The following LHX9 variants were observed in gnomAD, a reference collection of about 807,000 sequenced individuals.
LHX9 encodes LIM homeobox 9, also known as LIM/homeobox protein Lhx9.
LHX9 carries 9 observed loss-of-function variants against 36.5 expected under a neutral mutation model. The observed-to-expected ratio is 0.25, with a 90% CI of 0.15 to 0.43. LHX9 has a LOEUF of 0.43. LHX9 is among the 20% of genes least tolerant of loss of function. The pLI is 1.00. For missense variants in LHX9, 464 were observed against 526.4 expected (o/e 0.88, Z 1.16); for synonymous variants, 211 against 212.1 (o/e 0.99, Z 0.04).
rs928042162 is a variant in LHX9 at position 197,929,687 on chromosome 1, T to G, written c.*428T>G. 3 of 932,246 alleles carry G rather than the reference T, an allele frequency of 3.2e-6. No individual in the cohort carries two copies. The African/African-American group carries it at 5.3e-5, about 17-fold the overall frequency. The allele number at this position is 932,246 out of a possible 1,614,324, so 57.7% of individuals were successfully genotyped here. On this transcript the variant is annotated 3_prime_UTR_variant, in exon 5 of 5. Coordinates refer to ENST00000367387, the MANE Select transcript of LHX9 (RefSeq NM_020204.3). ...ACCAGATAATTAATTAGTTACTTTT[T>G]AAATCTTGCAATTGTATGTGTGATT...
chr1:197,917,251 A>G (rs770506598), upstream of LHX9: 20 of 1,214,064 alleles, frequency 1.6e-5, no homozygotes, highest in Admixed American at 3.8e-5. Flanking sequence ...GGAGTATGAC[A>G]GGTCTTTGTT....
rs1430883862 is a variant in LHX9 at position 197,917,471 on chromosome 1, T to C, written c.-353T>C. 2 of 1,344,142 alleles carry C rather than the reference T, an allele frequency of 1.5e-6. No homozygotes were observed. The allele number at this position is 1,344,142 out of a possible 1,614,324, so 83.3% of individuals were successfully genotyped here. A position where few individuals can be genotyped will look rare whatever the true frequency, so the allele number is the denominator to read the frequency against. The stretch of plus-strand genomic sequence containing the variant: ...TTTCTTTGTGTTCAAAACTATTTTC[T>C]TTCTTCACCAGATTTTGTTTTCCTC... On this transcript the variant is annotated 5_prime_UTR_variant, in exon 1 of 5. Transcript: ENST00000367387.
At chr1:197,919,298 A>T (rs1158202714) in intron 1 of LHX9, among the ~76,000 whole-genome samples, 2 of 152,204 alleles carry the variant, frequency 1.3e-5, no homozygotes, top group African/African-American at 4.8e-5. Flanking sequence ...ACGCCTGTTG[A>T]TGCTAGGGAA....
In LHX9 at chr1:197,922,141, C is replaced by G. The variant is rs768331308; in HGVS notation, c.733+482C>G. Among the ~76,000 whole-genome samples the G allele has an allele frequency of 9.2e-5, 14 of 152,088 alleles. 1 individual carries two copies. Among genetic ancestry groups the G allele is most frequent in the Non-Finnish European group, 5.9e-5 (4 of 68,036 alleles). The stretch of plus-strand genomic sequence containing the variant: ...ACCAGCCCAAAGTTAATCAGGAACA[C>G]AGTTGGCAAGAGTGTTGAAAAACCT... On this transcript the variant is annotated intron_variant, in intron 3 of 4. Transcript: ENST00000367387.
Position 197,933,256 on chromosome 1 carries a change from C to CATT in LHX9, c.*3999_*4001dup, listed in dbSNP as rs1171668748. On this transcript the variant is annotated 3_prime_UTR_variant, in exon 5 of 5. Coordinates refer to ENST00000367387, the MANE Select transcript of LHX9 (RefSeq NM_020204.3). Reference sequence around the variant, plus strand: ...TGATGTAACTTTTATGAATGACAGACATTAAATATTTCACTTACATGTATT... The same window carrying CATT: ...TGATGTAACTTTTATGAATGACAGACATTATTAAATATTTCACTTACATGTATT... The CATT allele has an allele frequency of 6.6e-6, 1 of 151,984 alleles. No homozygotes were observed. Among genetic ancestry groups the CATT allele is most frequent in the Non-Finnish European group, 1.5e-5 (1 of 67,970 alleles). The allele number at this position is 151,984 out of a possible 1,614,324, so 9.4% of individuals were successfully genotyped here. A position where few individuals can be genotyped will look rare whatever the true frequency, so the allele number is the denominator to read the frequency against.
chr1:197,922,167 A>C (rs1305742733), intron 3 of LHX9, among the ~76,000 whole-genome samples: 1 of 152,178 alleles, frequency 6.6e-6, no homozygotes, highest in Non-Finnish European at 1.5e-5. Flanking sequence ...TGAAAAACCT[A>C]ATCCCTGATC....
At chr1:197,917,192 C>A (rs1280653352), upstream of LHX9, 1 of 980,574 alleles carries the variant, frequency 1.0e-6, no homozygotes, top group South Asian at 4.7e-5. Context: ...TCTATCCCCC[C>A]ACCCCTTTGT....
Position 197,934,499 on chromosome 1 carries a change from T to A in LHX9, c.*5240T>A, listed in dbSNP as rs980204038. The A allele has an allele frequency of 2.6e-5, 4 of 152,224 alleles. No individual in the cohort carries two copies. The highest frequency in any genetic ancestry group is 9.6e-5 in the African/African-American group (4 of 41,462). 9.4% of individuals were successfully genotyped at this position (152,224 alleles called of 1,614,324 possible). On this transcript the variant is annotated 3_prime_UTR_variant, in exon 5 of 5. Transcript: ENST00000367387. ...TAACTATGTTATAAACAAAGCTAGC[T>A]TTACTTGTAGAGAGTTCGTGTACTC...
rs565883203 is a variant in LHX9, at chr1:197,925,330, G to A, written c.734-2261G>A. ...ACTAATGATTATATAGTCAGGTTGGGAATCATATTCATTTCTATATATTAC... is the reference window on the plus strand; with the variant it reads ...ACTAATGATTATATAGTCAGGTTGGAAATCATATTCATTTCTATATATTAC... On this transcript the variant is annotated intron_variant, in intron 3 of 4. Coordinates refer to ENST00000367387, the MANE Select transcript of LHX9 (RefSeq NM_020204.3). Among the ~76,000 whole-genome samples the A allele has an allele frequency of 3.9e-5, 6 of 152,228 alleles. No individual in the cohort carries two copies. In the South Asian group the frequency reaches 8.3e-4, roughly 21 times the overall value.
chr1:197,931,293 C>T lies in LHX9; in HGVS notation c.*2034C>T, dbSNP rs887808997. 2.0e-5 allele frequency: 3 copies of T among 151,918 alleles called. No homozygotes were observed. The highest frequency in any genetic ancestry group is 4.4e-5 in the Non-Finnish European group (3 of 67,842). 9.4% of individuals were successfully genotyped at this position (151,918 alleles called of 1,614,324 possible). A position where few individuals can be genotyped will look rare whatever the true frequency, so the allele number is the denominator to read the frequency against. On this transcript the variant is annotated 3_prime_UTR_variant, in exon 5 of 5. Transcript: ENST00000367387. Reference sequence around the variant, plus strand: ...CTCTTTCAAATATAGTTGATAAATTCAATAATCTTATATATTGAGCTTCGT... The same window carrying T: ...CTCTTTCAAATATAGTTGATAAATTTAATAATCTTATATATTGAGCTTCGT...
intron 4 of LHX9, 83 bp downstream of exon 4, chr1:197,927,876 C>G: frequency 8.1e-7 from 1 of 1,227,322 alleles, no homozygotes; most frequent in Non-Finnish European, 1.2e-6. Context: ...GTTAGAGTGA[C>G]GCAGATATTT....
chr1:197,920,487 G>A (rs1208895877), intron 2 of LHX9, among the ~76,000 whole-genome samples: 30 of 152,162 alleles, frequency 2.0e-4, no homozygotes, highest in Non-Finnish European at 5.9e-5. Context: ...TCCGTCTACC[G>A]AGACTTGATT....
rs191050740 is a variant in LHX9 at position 197,926,794 on chromosome 1, G to A, written c.734-797G>A. Among the ~76,000 whole-genome samples, 218 of 152,226 alleles carry A rather than the reference G, an allele frequency of 1.4e-3. 2 individuals are homozygous for A. Among genetic ancestry groups the A allele is most frequent in the African/African-American group, 5.1e-3 (210 of 41,544 alleles). ...GTGGGGAGCGCTTCAGGCGTGAACC[G>A]TGTGAAGGGAAGTCTGGGCTCATTC... On this transcript the variant is annotated intron_variant, in intron 3 of 4. Transcript: ENST00000367387.
intron 2 of LHX9, among the ~76,000 whole-genome samples, chr1:197,920,954 T>C (rs1659965202): frequency 6.6e-6 from 1 of 152,234 alleles, no homozygotes; most frequent in Admixed American, 6.5e-5. Flanking sequence ...TTGTAATTGA[T>C]TAAGTGTTTT....
chr1:197,933,198 ATTT>A lies in LHX9; in HGVS notation c.*3942_*3944del, dbSNP rs987370515. 6 of 152,112 alleles carry A rather than the reference ATTT, an allele frequency of 3.9e-5. No homozygotes were observed. Among genetic ancestry groups the A allele is most frequent in the Non-Finnish European group, 7.4e-5 (5 of 67,986 alleles). 9.4% of individuals were successfully genotyped at this position (152,112 alleles called of 1,614,324 possible). On this transcript the variant is annotated 3_prime_UTR_variant, in exon 5 of 5. Transcript: ENST00000367387. ...CCAGAAAATTTTTCATTATGATGAA[ATTT>A]TTATTATATACAAATGAACCCTATG...
intron 3 of LHX9, among the ~76,000 whole-genome samples, chr1:197,925,253 G>A (rs1337862797): frequency 6.6e-6 from 1 of 152,194 alleles, no homozygotes; most frequent in Non-Finnish European, 1.5e-5. Context: ...TTTAAGGGAA[G>A]CCATTTCATT....
rs1660007936 is a variant in LHX9, at chr1:197,922,048, C to T, written c.733+389C>T. Among the ~76,000 whole-genome samples, 3 of 125,974 alleles carry T rather than the reference C, an allele frequency of 2.4e-5. No individual in the cohort carries two copies. In the South Asian group the frequency reaches 7.2e-4, roughly 30 times the overall value. The allele number at this position is 125,974 out of a possible 152,430, so 82.6% of individuals were successfully genotyped here. A position where few individuals can be genotyped will look rare whatever the true frequency, so the allele number is the denominator to read the frequency against. On this transcript the variant is annotated intron_variant, in intron 3 of 4. Coordinates refer to ENST00000367387, the MANE Select transcript of LHX9 (RefSeq NM_020204.3). The stretch of plus-strand genomic sequence containing the variant: ...GATCCTGTAGGAGGTTTCCTAAATA[C>T]TGAAGAAAAAAAAAAAAGTCTACAG...
upstream of LHX9, among the ~76,000 whole-genome samples, chr1:197,916,931 G>T (rs1193476894): frequency 3.3e-5 from 5 of 152,190 alleles, no homozygotes; most frequent in Admixed American, 3.3e-4. Flanking sequence ...CCACAAGGAG[G>T]AAATCCAAAG....
chr1:197,921,370 C>A lies in LHX9; in HGVS notation c.444C>A (p.Arg148=). Reference sequence around the variant, plus strand: ...TTTCCGCCTCGGAGATGGTCATGCGCGCCCGAGACTCTGTCTACCACCTGA... The same window carrying A: ...TTTCCGCCTCGGAGATGGTCATGCGAGCCCGAGACTCTGTCTACCACCTGA... ...LGISASEMVM[R]ARDSVYHLSC... Residue 148 remains arginine (R), a synonymous_variant, in exon 3 of 5, where the codon CGC becomes CGA. Transcript: ENST00000367387. The surrounding 1 kb of genome is among the most constrained non-coding windows in gnomAD (Gnocchi z 4.6). 6.2e-7 allele frequency: 1 copy of A among 1,614,202 alleles called. No individual in the cohort carries two copies. The highest frequency in any genetic ancestry group is 8.5e-7 in the Non-Finnish European group (1 of 1,180,044).
Sources: allele counts gnomAD v4.1 joint callset (sites outside exome capture counted in the v4.1 genomes callset), GRCh38; gene constraint gnomAD v4.1.1; non-coding constraint Gnocchi (gnomAD v3.1); transcripts MANE v1.5; gene names NCBI Gene and HGNC (gene_info 2026-07-23, HGNC 2026-07-21).